NOL4: variants seen among roughly 807,000 people sequenced by gnomAD.
NOL4 encodes the protein cancer/testis antigen 125.
Under a neutral mutation model 75.9 loss-of-function variants are expected in NOL4, and 17 were observed. The observed-to-expected ratio is 0.22, with a 90% confidence interval of 0.15 to 0.34. The LOEUF (loss-of-function observed/expected upper bound fraction) is 0.34, where lower values mean the gene tolerates loss of function less well. Ranked by LOEUF, NOL4 falls within the 10% of genes least tolerant of loss-of-function variation. The pLI, the probability that NOL4 is intolerant of heterozygous loss-of-function variation, is 1.00. For synonymous variants in NOL4, 292 were observed against 289.9 expected, an observed-to-expected ratio of 1.01 and a Z score of -0.07; for missense variants, 614 against 793.5, an observed-to-expected ratio of 0.77 and a Z score of 2.72.
At position 34,176,777 on chromosome 18, in the gene NOL4, T is replaced by A. The variant is rs76046936; in HGVS notation, c.264+46213A>T. On this transcript the variant is annotated intron_variant, in intron 1 of 10. Coordinates refer to ENST00000261592, the MANE Select transcript of NOL4 (RefSeq NM_003787.5). The stretch of plus-strand genomic sequence containing the variant: ...CAATACCGTCACCTTGATCTTAGAC[T>A]TGCGTTTCCAGAACTATGAGAAAAT... Among the ~76,000 whole-genome samples, 1,000 of 152,170 alleles carry A rather than the reference T, an allele frequency of 6.6e-3. 18 individuals are homozygous for A. Among genetic ancestry groups the A allele is most frequent in the African/African-American group, 0.023 (954 of 41,528 alleles).
Position 33,886,922 on chromosome 18 carries a change from A to C in NOL4, c.1543-3498T>G, listed in dbSNP as rs1568009883. On this transcript the variant is annotated intron_variant, in intron 9 of 10. Transcript: ENST00000261592. The stretch of plus-strand genomic sequence containing the variant: ...TATATCTAGATATATCTATATACAT[A>C]TATATCTATATATCTATATATCTAG... Among the ~76,000 whole-genome samples, 579 of 115,132 alleles carry C rather than the reference A, an allele frequency of 5.0e-3. 7 individuals are homozygous for C. The highest frequency in any genetic ancestry group is 6.7e-3 in the Non-Finnish European group (351 of 52,268). The allele number at this position is 115,132 out of a possible 152,430, so 75.5% of individuals were successfully genotyped here.
intron 5 of NOL4, among the ~76,000 whole-genome samples, chr18:34,072,975 G>A (rs1347429336): frequency 6.6e-6 from 1 of 152,100 alleles, no homozygotes; most frequent in Non-Finnish European, 1.5e-5. Context: ...AGTTTTATAT[G>A]CTAGTATTAG....
At chr18:33,990,117 T>A (rs185193939) in intron 6 of NOL4, among the ~76,000 whole-genome samples, 2 of 152,084 alleles carry the variant, frequency 1.3e-5, no homozygotes, top group South Asian at 2.1e-4. Flanking sequence ...TTGAAGTGTA[T>A]GATGAAAAAT....
At chr18:34,222,071 A>G in intron 1 of NOL4, 1 of 1,535,364 alleles carries the variant, frequency 6.5e-7, no homozygotes, top group Non-Finnish European at 8.7e-7. Flanking sequence ...TCCTACTTGT[A>G]GCCCACAGTT....
intron 5 of NOL4, among the ~76,000 whole-genome samples, chr18:34,044,778 T>A (rs1257698338): frequency 6.6e-6 from 1 of 152,166 alleles, no homozygotes; most frequent in East Asian, 1.9e-4. Flanking sequence ...TGCCTCCCAT[T>A]ACCGCCACTA....
At chr18:34,134,437 G>A (rs868635620) in intron 1 of NOL4, among the ~76,000 whole-genome samples, 23 of 139,056 alleles carry the variant, frequency 1.7e-4, no homozygotes, top group Non-Finnish European at 3.1e-4. Context: ...CCCAATAAGA[G>A]ACTCCAAGTG....
At chr18:34,208,500 A>C (rs2036278904) in intron 1 of NOL4, among the ~76,000 whole-genome samples, 1 of 152,158 alleles carries the variant, frequency 6.6e-6, no homozygotes, top group Non-Finnish European at 1.5e-5. Context: ...AAGTCCTCCA[A>C]GGTTCAAAAT....
intron 1 of NOL4, among the ~76,000 whole-genome samples, chr18:34,163,938 T>A (rs1441322157): frequency 2.0e-5 from 3 of 151,928 alleles, no homozygotes; most frequent in African/African-American, 4.8e-5. Context: ...ATAATGCCGC[T>A]TATCTACAAC....
chr18:34,123,532 C>CTTAT (rs1423061319), intron 2 of NOL4, among the ~76,000 whole-genome samples: 3 of 129,342 alleles, frequency 2.3e-5, no homozygotes, highest in Admixed American at 7.7e-5. Flanking sequence ...ATGTGATAAC[C>CTTAT]ATATATATAT....
At chr18:34,108,132 G>A (rs1315825424) in intron 2 of NOL4, among the ~76,000 whole-genome samples, 1 of 152,096 alleles carries the variant, frequency 6.6e-6, no homozygotes, top group African/African-American at 2.4e-5. Flanking sequence ...GTTGTTATCA[G>A]CTTAAAATAG....
intron 9 of NOL4, among the ~76,000 whole-genome samples, chr18:33,911,064 C>T (rs1419109480): frequency 6.6e-6 from 1 of 151,968 alleles, no homozygotes; most frequent in Non-Finnish European, 1.5e-5. Context: ...GGCTTTGCAC[C>T]CATGATTTTT....
intron 10 of NOL4, among the ~76,000 whole-genome samples, chr18:33,881,768 C>A (rs2064293188): frequency 6.6e-6 from 1 of 152,112 alleles, no homozygotes; most frequent in Non-Finnish European, 1.5e-5. Context: ...GCCAAAAGAA[C>A]AAAGCTGGAG....
At chr18:33,999,527 G>T (rs539153949) in intron 6 of NOL4, among the ~76,000 whole-genome samples, 12 of 152,066 alleles carry the variant, frequency 7.9e-5, no homozygotes, top group African/African-American at 9.6e-5. Flanking sequence ...TCCTTTACAG[G>T]GTTGGGAGTG....
intron 1 of NOL4, among the ~76,000 whole-genome samples, chr18:34,132,692 ATTT>A (rs2080708041): frequency 6.6e-6 from 1 of 151,414 alleles, no homozygotes; most frequent in South Asian, 2.1e-4. Context: ...GAAGAAATAT[ATTT>A]AATGAGCTTA....
At chr18:33,919,387 C>T (rs951984690) in intron 9 of NOL4, among the ~76,000 whole-genome samples, 1 of 152,128 alleles carries the variant, frequency 6.6e-6, no homozygotes, top group Admixed American at 6.6e-5. Context: ...CTGGTGTTTA[C>T]CCCCTGAGCC....
intron 9 of NOL4, among the ~76,000 whole-genome samples, chr18:33,889,280 T>A (rs368028148): frequency 6.6e-6 from 1 of 152,012 alleles, no homozygotes; most frequent in Non-Finnish European, 1.5e-5. Context: ...AAGAAATGGA[T>A]AAATTCCAGG....
In NOL4 at chr18:34,104,012, TGTAA is replaced by T. The variant is rs766831962; in HGVS notation, c.639+31_639+34del. On this transcript the variant is annotated intron_variant, in intron 4 of 10. Coordinates refer to ENST00000261592, the MANE Select transcript of NOL4 (RefSeq NM_003787.5). ...ATGGTTATCAAGCTTCGTTCCAATT[TGTAA>T]GTAATACAAATGTAGATGTTTTTAT... 6 of 1,408,104 alleles carry T rather than the reference TGTAA, an allele frequency of 4.3e-6. No individual in the cohort carries two copies. In the African/African-American group the frequency reaches 8.5e-5, roughly 20 times the overall value. 87.2% of individuals were successfully genotyped at this position (1,408,104 alleles called of 1,614,324 possible). A position where few individuals can be genotyped will look rare whatever the true frequency, so the allele number is the denominator to read the frequency against.
intron 5 of NOL4, among the ~76,000 whole-genome samples, chr18:34,037,992 A>C (rs1429608460): frequency 6.6e-6 from 1 of 152,136 alleles, no homozygotes; most frequent in Non-Finnish European, 1.5e-5. Flanking sequence ...CAAACTGTTC[A>C]TCCAGTGGGG....
rs539162957 is a variant in NOL4 at position 34,201,943 on chromosome 18, A to C, written c.264+21047T>G. Among the ~76,000 whole-genome samples, 26 of 151,936 alleles carry C rather than the reference A, an allele frequency of 1.7e-4. 1 individual carries two copies. In the South Asian group the frequency reaches 5.0e-3, roughly 29 times the overall value. On this transcript the variant is annotated intron_variant, in intron 1 of 10. Coordinates refer to ENST00000261592, the MANE Select transcript of NOL4 (RefSeq NM_003787.5). ...ATACATCTAGATCTATGTTTATTCT[A>C]TATGGGAAATTTTCTACTTACCTAG... is the stretch of plus-strand genomic sequence containing the variant.
Sources: allele counts gnomAD v4.1 joint callset (sites outside exome capture counted in the v4.1 genomes callset), GRCh38; gene constraint gnomAD v4.1.1; transcripts MANE v1.5; gene names NCBI Gene and HGNC (gene_info 2026-07-23, HGNC 2026-07-21).